PDE7B: variants seen among roughly 807,000 people sequenced by gnomAD.
The protein encoded by PDE7B is phosphodiesterase 7B.
PDE7B carries 29 observed loss-of-function variants against 56.2 expected under a neutral mutation model. The ratio of observed to expected loss-of-function variants is 0.52; its 90% CI spans 0.38 to 0.70. The LOEUF is 0.70. Among genes scored for constraint, PDE7B ranks in the 30% least tolerant of loss-of-function variants. PDE7B has a pLI of 0.00. For missense variants in PDE7B, 490 were observed against 565.0 expected, an observed-to-expected ratio of 0.87 and a Z score of 1.35; for synonymous variants, 197 against 196.9, an observed-to-expected ratio of 1.00 and a Z score of 0.00.
intron 3 of PDE7B, among the ~76,000 whole-genome samples, chr6:136,128,307 G>A (rs1468963856): frequency 6.6e-6 from 1 of 152,188 alleles, no homozygotes; most frequent in Non-Finnish European, 1.5e-5. Context: ...TATTTGCAAA[G>A]ATGGAAAGCT....
rs563654196 is a variant in PDE7B, at chr6:135,869,299, C to A, written c.21+17280C>A. 3.9e-5 allele frequency among the ~76,000 whole-genome samples: 6 copies of A among 152,200 alleles called. No homozygotes were observed. In the South Asian group the frequency reaches 1.0e-3, roughly 26 times the overall value. ...TATATACATATATTTAGTACATATACTATTACTGCATAGTATATTTATGAA... is the reference window on the plus strand; with the variant it reads ...TATATACATATATTTAGTACATATAATATTACTGCATAGTATATTTATGAA... On this transcript the variant is annotated intron_variant, in intron 1 of 12. Transcript: ENST00000308191.
At chr6:135,991,917 T>C (rs546053220) in intron 2 of PDE7B, 5 of 152,246 alleles carry the variant, frequency 3.3e-5, no homozygotes, top group Admixed American at 6.5e-5. Context: ...ACTGTTCTCT[T>C]TCATATGATT....
intron 1 of PDE7B, among the ~76,000 whole-genome samples, chr6:135,912,805 TGATA>T (rs1464755643): frequency 6.6e-6 from 1 of 152,244 alleles, no homozygotes. Flanking sequence ...CATTTCATCA[TGATA>T]GATATCTATT....
intron 2 of PDE7B, among the ~76,000 whole-genome samples, chr6:136,082,804 G>T (rs555012918): frequency 5.3e-5 from 8 of 152,246 alleles, no homozygotes; most frequent in African/African-American, 1.9e-4. Context: ...GGAGTGGAAA[G>T]AAGATACAAA....
At chr6:135,870,256 G>T (rs1398691156) in intron 1 of PDE7B, among the ~76,000 whole-genome samples, 1 of 152,154 alleles carries the variant, frequency 6.6e-6, no homozygotes, top group African/African-American at 2.4e-5. Flanking sequence ...AGAAGAGGCA[G>T]CAATACACAA....
At chr6:135,857,705 A>G (rs1254361739) in intron 1 of PDE7B, among the ~76,000 whole-genome samples, 2 of 152,180 alleles carry the variant, frequency 1.3e-5, no homozygotes, top group Non-Finnish European at 2.9e-5. Flanking sequence ...GAGCCCAATA[A>G]TAGGTGAATT....
Position 135,886,152 on chromosome 6 carries a change from T to G in PDE7B, c.21+34133T>G, listed in dbSNP as rs544044799. On this transcript the variant is annotated intron_variant, in intron 1 of 12. Transcript: ENST00000308191. ...TGGCAGCTGACTGAAGAGTGAAAAA[T>G]ACTAAGATACCGTTGAGTGCTTTTA... 1.1e-3 allele frequency among the ~76,000 whole-genome samples: 163 copies of G among 152,154 alleles called. 1 individual carries two copies. Among genetic ancestry groups the G allele is most frequent in the African/African-American group, 3.9e-3 (162 of 41,528 alleles).
At chr6:136,095,436 T>C (rs1777456691) in intron 2 of PDE7B, among the ~76,000 whole-genome samples, 1 of 152,198 alleles carries the variant, frequency 6.6e-6, no homozygotes, top group South Asian at 2.1e-4. Context: ...TTTACCCATG[T>C]GATTTCATTG....
At chr6:136,037,921 G>A (rs981925571) in intron 2 of PDE7B, 1 of 1,183,074 alleles carries the variant, frequency 8.5e-7, no homozygotes, top group Non-Finnish European at 1.1e-6. Context: ...TCCAGCTGTA[G>A]CCTGGGATTA....
At chr6:136,143,382 C>T (rs1169110656) in intron 3 of PDE7B, among the ~76,000 whole-genome samples, 1 of 151,304 alleles carries the variant, frequency 6.6e-6, no homozygotes, top group Non-Finnish European at 1.5e-5. Flanking sequence ...AAAAAAAATG[C>T]AAGACAGGCT....
At chr6:135,896,122 G>A (rs1023199358) in intron 1 of PDE7B, among the ~76,000 whole-genome samples, 2 of 152,150 alleles carry the variant, frequency 1.3e-5, no homozygotes, top group Admixed American at 6.6e-5. Flanking sequence ...TTCTGGAGAG[G>A]TTGAGCCTAG....
intron 1 of PDE7B, among the ~76,000 whole-genome samples, chr6:135,884,371 T>TGTA (rs1183947286): frequency 6.6e-6 from 1 of 152,230 alleles, no homozygotes; most frequent in African/African-American, 2.4e-5. Flanking sequence ...GTGCAAGGTA[T>TGTA]GTAGGTTCTT....
chr6:135,900,272 G>C (rs1310852066), intron 1 of PDE7B, among the ~76,000 whole-genome samples: 9 of 151,958 alleles, frequency 5.9e-5, no homozygotes, highest in Non-Finnish European at 1.3e-4. Flanking sequence ...CTTTAGCTAT[G>C]TCTTGGTCAT....
chr6:135,925,524 T>G (rs751694555), intron 1 of PDE7B, among the ~76,000 whole-genome samples: 2 of 152,202 alleles, frequency 1.3e-5, no homozygotes, highest in Non-Finnish European at 2.9e-5. Flanking sequence ...AATCAGTTTT[T>G]TGAGAACTAT....
chr6:136,118,858 C>A lies in PDE7B; in HGVS notation c.166+10044C>A, dbSNP rs1210562328. On this transcript the variant is annotated intron_variant, in intron 3 of 12. Coordinates refer to ENST00000308191, the MANE Select transcript of PDE7B (RefSeq NM_018945.4). ...TATCATTGAACAAATATTCCTATAA[C>A]TGAATGAGAAAATATGAGATTAAAC... Among the ~76,000 whole-genome samples, 3 of 152,044 alleles carry A rather than the reference C, an allele frequency of 2.0e-5. No individual in the cohort carries two copies. The East Asian group carries it at 5.8e-4, about 29-fold the overall frequency.
At chr6:135,944,661 G>C (rs955807154) in intron 1 of PDE7B, among the ~76,000 whole-genome samples, 3 of 152,110 alleles carry the variant, frequency 2.0e-5, no homozygotes, top group African/African-American at 7.2e-5. Context: ...GACTGTTAAG[G>C]AATGCATGCT....
At chr6:135,975,386 G>T (rs1342937768) in intron 2 of PDE7B, among the ~76,000 whole-genome samples, 1 of 152,104 alleles carries the variant, frequency 6.6e-6, no homozygotes, top group African/African-American at 2.4e-5. Flanking sequence ...CAACCAGAAG[G>T]ATATCATAAG....
chr6:136,012,887 G>T (rs1297898535), intron 2 of PDE7B, among the ~76,000 whole-genome samples: 1 of 152,094 alleles, frequency 6.6e-6, no homozygotes, highest in African/African-American at 2.4e-5. Flanking sequence ...ATTCAAACAT[G>T]AACTTTTTTC....
intron 1 of PDE7B, among the ~76,000 whole-genome samples, chr6:135,895,749 A>G (rs1171779067): frequency 1.3e-5 from 2 of 152,160 alleles, no homozygotes; most frequent in African/African-American, 4.8e-5. Context: ...TGTGTAGTAC[A>G]GACAGGGCTT....
Sources: gnomAD v4.1 joint callset for allele counts (sites outside exome capture counted in the v4.1 genomes callset) on GRCh38, gnomAD v4.1.1 for gene constraint, MANE v1.5 for transcripts, NCBI Gene and HGNC (gene_info 2026-07-23, HGNC 2026-07-21) for gene names.